The following MYO3B variants were observed in gnomAD, a reference collection of about 807,000 sequenced individuals.
The protein encoded by MYO3B is myosin IIIB.
MYO3B carries 156 observed loss-of-function variants against 174.6 expected under a neutral mutation model. That is an observed-to-expected ratio of 0.89 (90% CI 0.78 to 1.02). The LOEUF is 1.02. MYO3B is among the 50% of genes least tolerant of loss of function. The pLI, the probability that MYO3B is intolerant of heterozygous loss-of-function variation, is 0.00. For synonymous variants in MYO3B, 563 were observed against 569.1 expected (o/e 0.99, Z 0.15); for missense variants, 1,632 against 1,639.4 (o/e 1.00, Z 0.08).
In MYO3B at chr2:170,369,371, A is replaced by C; in HGVS notation, c.965A>C (p.Lys322Thr). 6.2e-7 allele frequency: 1 copy of C among 1,613,382 alleles called. No homozygotes were observed. The highest frequency in any genetic ancestry group is 8.5e-7 in the Non-Finnish European group (1 of 1,179,494). Residue 322 changes from lysine (K) to threonine (T), a missense_variant, in exon 9 of 35, where the codon AAA becomes ACA. Transcript: ENST00000408978. ...CAGAAGCATCAAAATCCTGTTGCTAAAACCAGGTACTGTACTCTCTTTCTT... is the reference window on the plus strand; with the variant it reads ...CAGAAGCATCAAAATCCTGTTGCTACAACCAGGTACTGTACTCTCTTTCTT... The part of the protein sequence containing the change: ...QDQKHQNPVA[K>T]TRHERMHTRR...
intron 22 of MYO3B, among the ~76,000 whole-genome samples, chr2:170,424,687 G>A (rs1459099244): frequency 1.3e-5 from 2 of 152,122 alleles, no homozygotes; most frequent in African/African-American, 4.8e-5. Flanking sequence ...GGGAAAATTA[G>A]TGTCTATTGT....
intron 7 of MYO3B, among the ~76,000 whole-genome samples, chr2:170,285,613 C>T (rs2093550180): frequency 6.6e-6 from 1 of 152,136 alleles, no homozygotes; most frequent in Non-Finnish European, 1.5e-5. Flanking sequence ...AATCCGCCTC[C>T]CTTGTCCTCT....
intron 1 of MYO3B, among the ~76,000 whole-genome samples, chr2:170,191,658 G>A (rs139275144): frequency 2.5e-4 from 38 of 152,212 alleles, no homozygotes; most frequent in African/African-American, 6.0e-4. Context: ...TCTCCCTCCC[G>A]CAAGTGCACA....
intron 7 of MYO3B, among the ~76,000 whole-genome samples, chr2:170,263,010 G>A (rs1008554852): frequency 6.6e-6 from 1 of 152,134 alleles, no homozygotes; most frequent in Non-Finnish European, 1.5e-5. Flanking sequence ...ATGACTTGAA[G>A]GATAAATTGG....
chr2:170,284,011 A>G (rs1549346), intron 7 of MYO3B, among the ~76,000 whole-genome samples: 140,313 of 152,256 alleles, frequency 0.92, 65,008 homozygotes, highest in Non-Finnish European at 0.97. Flanking sequence ...AATTCTTCAC[A>G]CATATATGCT....
At chr2:170,566,095 A>G (rs1692061460) in intron 32 of MYO3B, among the ~76,000 whole-genome samples, 1 of 152,232 alleles carries the variant, frequency 6.6e-6, no homozygotes, top group African/African-American at 2.4e-5. Flanking sequence ...GTTATAGTAC[A>G]TTAAAATATA....
chr2:170,351,302 AG>A (rs2094066614), intron 8 of MYO3B, among the ~76,000 whole-genome samples: 1 of 152,138 alleles, frequency 6.6e-6, no homozygotes, highest in South Asian at 2.1e-4. Context: ...GCTGATAAAA[AG>A]CGTCTGGGAA....
rs202142507 is a variant in MYO3B, at chr2:170,466,576, A to G, written c.2879A>G (p.Asn960Ser). ...QPHFVRCIKP[N>S]DDREALQFSR... ...CACTTTGTGCGCTGCATTAAACCCA[A>G]TGATGACCGAGAGGCCCTGCAGTTC... is the stretch of plus-strand genomic sequence containing the variant. The change falls in exon 25 of 35, where the codon AAT becomes AGT. Residue 960 changes from asparagine to serine, a missense_variant. Transcript: ENST00000408978. 50 of 1,614,074 alleles carry G rather than the reference A, an allele frequency of 3.1e-5. No individual in the cohort carries two copies. In the Admixed American group the frequency reaches 3.3e-4, roughly 11 times the overall value.
intron 27 of MYO3B, 112 bp downstream of exon 27, chr2:170,499,920 C>CCCCTCCCTCCCTCCCTTCCTTCCT: frequency 1.3e-6 from 1 of 743,520 alleles, no homozygotes; most frequent in Non-Finnish European, 2.1e-6. Context: ...CCTTCCTTCT[C>CCCCTCCCTCCCTCCCTTCCTTCCT]CCCTCCCTCC....
intron 8 of MYO3B, among the ~76,000 whole-genome samples, chr2:170,354,228 TTTCTC>T (rs2094101760): frequency 6.6e-6 from 1 of 152,224 alleles, no homozygotes; most frequent in Non-Finnish European, 1.5e-5. Flanking sequence ...CCTCTCTTCT[TTTCTC>T]TTCTCTTCCC....
At chr2:170,490,942 C>A (rs1686426785) in intron 25 of MYO3B, among the ~76,000 whole-genome samples, 1 of 152,000 alleles carries the variant, frequency 6.6e-6, no homozygotes, top group African/African-American at 2.4e-5. Flanking sequence ...TTTGTTTCTT[C>A]TTTTCCTTTC....
At chr2:170,636,957 C>CGTGT (rs3047156) in intron 32 of MYO3B, among the ~76,000 whole-genome samples, 61,402 of 146,404 alleles carry the variant, frequency 0.42, 13,126 homozygotes, top group Non-Finnish European at 0.48. Flanking sequence ...TGCTTTTGTG[C>CGTGT]GTGTGTGTGT....
chr2:170,427,033 A>G (rs975168622), intron 22 of MYO3B, among the ~76,000 whole-genome samples: 1 of 152,146 alleles, frequency 6.6e-6, no homozygotes, highest in Non-Finnish European at 1.5e-5. Flanking sequence ...AAAAAAGAAA[A>G]GAAATAGATA....
chr2:170,633,275 A>T (rs1697174198), intron 32 of MYO3B, among the ~76,000 whole-genome samples: 1 of 152,114 alleles, frequency 6.6e-6, no homozygotes, highest in Admixed American at 6.6e-5. Flanking sequence ...TATCCACCAA[A>T]ATCAATTTGG....
At chr2:170,412,353 C>T (rs2094551455) in intron 22 of MYO3B, 1 of 152,158 alleles carries the variant, frequency 6.6e-6, no homozygotes, top group African/African-American at 2.4e-5. Flanking sequence ...TTGGGAGAAA[C>T]TAGGAAAAAT....
intron 7 of MYO3B, 132 bp from the exon 8 acceptor site, chr2:170,335,233 CACTTTATAATCTACCACTAA>C: frequency 1.6e-6 from 1 of 641,734 alleles, no homozygotes; most frequent in Non-Finnish European, 2.7e-6. Flanking sequence ...TAAGGGTTGG[CACTTTATAATCTACCACTAA>C]AAAATGACTC....
In MYO3B at chr2:170,387,350, A is replaced by G. The variant is rs758564098; in HGVS notation, c.1577+42A>G. Reference sequence around the variant, plus strand: ...ATCACTGTGTTTTTGCCCTGCAGTAAAAACTGGGAGACTTTGGAAATTTTA... The same window carrying G: ...ATCACTGTGTTTTTGCCCTGCAGTAGAAACTGGGAGACTTTGGAAATTTTA... On this transcript the variant is annotated intron_variant, in intron 14 of 34. Transcript: ENST00000408978. 1.0e-5 allele frequency: 16 copies of G among 1,580,934 alleles called. No individual in the cohort carries two copies. In the South Asian group the frequency reaches 1.8e-4, roughly 18 times the overall value.
intron 32 of MYO3B, chr2:170,649,906 A>G (rs1264887265): frequency 6.8e-6 from 1 of 147,526 alleles, no homozygotes; most frequent in Non-Finnish European, 1.5e-5. Context: ...TAAGAAATCT[A>G]GGGTTGGGTA....
intron 1 of MYO3B, among the ~76,000 whole-genome samples, chr2:170,193,274 A>G (rs1265861875): frequency 6.6e-6 from 1 of 152,050 alleles, no homozygotes; most frequent in African/African-American, 2.4e-5. Flanking sequence ...TAATTGCTCA[A>G]TTACTATTGT....
Sources: gnomAD v4.1 joint callset for allele counts (sites outside exome capture counted in the v4.1 genomes callset) on GRCh38, gnomAD v4.1.1 for gene constraint, MANE v1.5 for transcripts, NCBI Gene and HGNC (gene_info 2026-07-23, HGNC 2026-07-21) for gene names.